The following PTPRD variants were observed in gnomAD, a reference collection of about 807,000 sequenced individuals.
PTPRD encodes the protein protein tyrosine phosphatase receptor type D.
In PTPRD, 34 loss-of-function variants were observed where a neutral mutation model predicts 214.5. That is an observed-to-expected ratio of 0.16 (90% confidence interval 0.12 to 0.21). PTPRD has a LOEUF of 0.21. Among genes scored for constraint, PTPRD ranks in the 10% least tolerant of loss-of-function variants. PTPRD has a pLI of 1.00. For synonymous variants in PTPRD, 1,128 were observed against 845.7 expected (o/e 1.33, Z -5.79); for missense variants, 2,545 against 2,398.7 (o/e 1.06, Z -1.27).
chr9:8,788,687 G>A (rs998446440), intron 11 of PTPRD, among the ~76,000 whole-genome samples: 4 of 152,228 alleles, frequency 2.6e-5, no homozygotes, highest in African/African-American at 7.2e-5. Context: ...CTTATCATTC[G>A]AATCAGCCAT....
At chr9:9,008,729 A>T (rs1264313759) in intron 11 of PTPRD, among the ~76,000 whole-genome samples, 1 of 152,154 alleles carries the variant, frequency 6.6e-6, no homozygotes, top group Non-Finnish European at 1.5e-5. Flanking sequence ...ATTTGCAAAG[A>T]TTTTTAATTC....
At chr9:9,867,923 A>T (rs1332348658) in intron 5 of PTPRD, among the ~76,000 whole-genome samples, 1 of 152,204 alleles carries the variant, frequency 6.6e-6, no homozygotes, top group Non-Finnish European at 1.5e-5. Flanking sequence ...GGAAGGAGCC[A>T]AACATGAGTA....
intron 10 of PTPRD, among the ~76,000 whole-genome samples, chr9:9,130,693 C>T (rs905258009): frequency 6.6e-6 from 1 of 152,112 alleles, no homozygotes; most frequent in Non-Finnish European, 1.5e-5. Context: ...TTCCTACTGA[C>T]CTTCCTGAAT....
intron 10 of PTPRD, among the ~76,000 whole-genome samples, chr9:9,113,013 T>A (rs903576495): frequency 6.6e-6 from 1 of 151,760 alleles, no homozygotes; most frequent in African/African-American, 2.4e-5. Context: ...CACCTAGGCT[T>A]CAGTGCAGGG....
chr9:9,861,643 T>C (rs892936026), intron 5 of PTPRD, among the ~76,000 whole-genome samples: 3 of 152,216 alleles, frequency 2.0e-5, no homozygotes, highest in African/African-American at 7.2e-5. Flanking sequence ...TGTTAACTAT[T>C]GATATACAGT....
chr9:8,607,743 G>C (rs1478865141), intron 14 of PTPRD, among the ~76,000 whole-genome samples: 2 of 152,138 alleles, frequency 1.3e-5, no homozygotes, highest in Admixed American at 6.5e-5. Context: ...TCCTACTAGA[G>C]CTGCCATGCC....
chr9:9,507,111 T>C (rs1463373939), intron 8 of PTPRD, among the ~76,000 whole-genome samples: 1 of 151,304 alleles, frequency 6.6e-6, no homozygotes, highest in Non-Finnish European at 1.5e-5. Context: ...TAGGAAATAA[T>C]AAAAGATGAA....
intron 3 of PTPRD, among the ~76,000 whole-genome samples, chr9:10,182,215 A>G (rs1376038855): frequency 7.0e-6 from 1 of 142,000 alleles, no homozygotes; most frequent in Non-Finnish European, 1.5e-5. Flanking sequence ...AGCTGAGATC[A>G]TGCCATCTTG....
chr9:9,824,117 T>A (rs2051805906), intron 5 of PTPRD, among the ~76,000 whole-genome samples: 1 of 151,972 alleles, frequency 6.6e-6, no homozygotes. Flanking sequence ...ATAAGAATGA[T>A]AAATGAATTT....
intron 3 of PTPRD, among the ~76,000 whole-genome samples, chr9:10,283,377 A>C (rs1020805050): frequency 1.3e-5 from 2 of 152,180 alleles, no homozygotes; most frequent in Non-Finnish European, 2.9e-5. Flanking sequence ...AGGCAAAGAC[A>C]ATGTTTTTGC....
intron 43 of PTPRD, among the ~76,000 whole-genome samples, chr9:8,332,964 G>A (rs950992249): frequency 1.3e-5 from 2 of 152,116 alleles, no homozygotes; most frequent in Non-Finnish European, 2.9e-5. Flanking sequence ...CTGGGTAAGT[G>A]AACAGGGACT....
At chr9:9,592,543 G>C (rs1189912214) in intron 7 of PTPRD, among the ~76,000 whole-genome samples, 1 of 151,918 alleles carries the variant, frequency 6.6e-6, no homozygotes, top group Non-Finnish European at 1.5e-5. Context: ...ATTTGGGAGA[G>C]GATTTGAGCA....
Position 10,381,099 on chromosome 9 carries a change from AC to A in PTPRD, c.-599-40083del, listed in dbSNP as rs540964929. Among the ~76,000 whole-genome samples, 16 of 151,638 alleles carry A rather than the reference AC, an allele frequency of 1.1e-4. No homozygotes were observed. The South Asian group carries it at 2.3e-3, about 22-fold the overall frequency. On this transcript the variant is annotated intron_variant, in intron 2 of 45. Transcript: ENST00000381196. ...AAATATAAAATAATTAAAATATAAG[AC>A]CAAAAAAAAAAGACAAAAAGTAACC... is the stretch of plus-strand genomic sequence containing the variant.
chr9:9,599,206 A>T (rs1396345716), intron 7 of PTPRD, among the ~76,000 whole-genome samples: 1 of 152,088 alleles, frequency 6.6e-6, no homozygotes, highest in Non-Finnish European at 1.5e-5. Flanking sequence ...GCACAATGCT[A>T]AAGTAATACC....
chr9:9,568,584 C>A (rs1369346999), intron 8 of PTPRD, among the ~76,000 whole-genome samples: 1 of 151,866 alleles, frequency 6.6e-6, no homozygotes, highest in African/African-American at 2.4e-5. Context: ...AAAATATATG[C>A]TACTTACAAC....
chr9:10,559,183 G>A (rs2063295075), intron 2 of PTPRD, among the ~76,000 whole-genome samples: 1 of 152,094 alleles, frequency 6.6e-6, no homozygotes, highest in South Asian at 2.1e-4. Context: ...AGAATCCCAT[G>A]AGGATCTGAT....
At chr9:9,760,666 A>T (rs2098646580) in intron 6 of PTPRD, among the ~76,000 whole-genome samples, 1 of 145,446 alleles carries the variant, frequency 6.9e-6, no homozygotes, top group Admixed American at 7.1e-5. Context: ...ATATATATAT[A>T]TTCCAGCACT....
chr9:10,409,767 G>A (rs1349287474), intron 2 of PTPRD, among the ~76,000 whole-genome samples: 1 of 151,742 alleles, frequency 6.6e-6, no homozygotes, highest in Non-Finnish European at 1.5e-5. Flanking sequence ...CTTTCAAGGT[G>A]TGTTTCTATG....
chr9:9,521,123 G>C (rs1043654010), intron 8 of PTPRD, among the ~76,000 whole-genome samples: 20 of 152,084 alleles, frequency 1.3e-4, no homozygotes, highest in Admixed American at 1.2e-3. Context: ...AAGAACTAAA[G>C]AGCCCAAACC....
Sources: gnomAD v4.1 joint callset for allele counts (sites outside exome capture counted in the v4.1 genomes callset) on GRCh38, gnomAD v4.1.1 for gene constraint, MANE v1.5 for transcripts, NCBI Gene and HGNC (gene_info 2026-07-23, HGNC 2026-07-21) for gene names.